GATB: variants seen among roughly 807,000 people sequenced by gnomAD.
The protein encoded by GATB is glutamyl-tRNA(Gln) amidotransferase subunit B, mitochondrial.
In GATB, 39 loss-of-function variants were observed where a neutral mutation model predicts 62.3. That is an observed-to-expected ratio of 0.63 (90% confidence interval 0.48 to 0.82). The LOEUF is 0.82. Ranked by LOEUF, GATB falls within the 40% of genes least tolerant of loss-of-function variation. The pLI is 0.00. For synonymous variants in GATB, 276 were observed against 258.9 expected (o/e 1.07, Z -0.63); for missense variants, 670 against 684.0 (o/e 0.98, Z 0.23).
intron 2 of GATB, among the ~76,000 whole-genome samples, chr4:151,748,823 AC>A (rs1739657077): frequency 6.6e-6 from 1 of 152,246 alleles, no homozygotes; most frequent in Non-Finnish European, 1.5e-5. Context: ...CAAGAAAAAA[AC>A]AACCCCATCA....
At chr4:151,754,532 C>T (rs1463525183) in intron 2 of GATB, among the ~76,000 whole-genome samples, 4 of 152,194 alleles carry the variant, frequency 2.6e-5, no homozygotes, top group African/African-American at 9.6e-5. Context: ...CAAGGGCTAG[C>T]ATAACGTGGG....
chr4:151,754,375 C>T (rs1739780427), intron 2 of GATB, among the ~76,000 whole-genome samples: 2 of 152,184 alleles, frequency 1.3e-5, no homozygotes, highest in Admixed American at 6.5e-5. Flanking sequence ...AATACTCTTC[C>T]TATGTGCTCC....
chr4:151,707,866 A>G, intron 6 of GATB, 122 bp downstream of exon 6: 1 of 658,488 alleles, frequency 1.5e-6, no homozygotes, highest in Non-Finnish European at 2.7e-6. Context: ...CAGGACCAAC[A>G]GAACGGACCA....
At chr4:151,703,642 G>C in intron 8 of GATB, 1 of 581,664 alleles carries the variant, frequency 1.7e-6, no homozygotes. Context: ...GTCAAACAAG[G>C]CACCAGATCT....
intron 2 of GATB, among the ~76,000 whole-genome samples, chr4:151,754,278 G>A (rs960350398): frequency 6.6e-6 from 1 of 152,162 alleles, no homozygotes; most frequent in Non-Finnish European, 1.5e-5. Flanking sequence ...AGTTTCTAGA[G>A]CAAGCCACGT....
At chr4:151,741,387 T>C (rs2126992972) in intron 2 of GATB, among the ~76,000 whole-genome samples, 1 of 152,300 alleles carries the variant, frequency 6.6e-6, no homozygotes, top group Admixed American at 6.5e-5. Context: ...AGTTAATAAT[T>C]CTAAGTATAA....
intron 2 of GATB, among the ~76,000 whole-genome samples, chr4:151,741,968 T>G (rs949392979): frequency 1.3e-5 from 2 of 152,204 alleles, no homozygotes; most frequent in Admixed American, 6.5e-5. Flanking sequence ...ACCTGATCTG[T>G]GTCTGTGATG....
In GATB at chr4:151,697,945, GTGTGTGTGTATATA is replaced by G. The variant is rs1560847620; in HGVS notation, c.1197+3370_1197+3383del. 2.0e-3 allele frequency among the ~76,000 whole-genome samples: 151 copies of G among 74,690 alleles called. 12 individuals are homozygous for G. The highest frequency in any genetic ancestry group is 0.014 in the African/African-American group (140 of 9,854). The allele number at this position is 74,690 out of a possible 152,430, so 49.0% of individuals were successfully genotyped here. On this transcript the variant is annotated intron_variant, in intron 9 of 12. Transcript: ENST00000263985. ...AAATCGATTTCATATATATGTGTGT[GTGTGTGTGTATATA>G]TATATATATATATATATATATATAT...
chr4:151,697,977 A>ATATATGTG (rs1560847779), intron 9 of GATB, among the ~76,000 whole-genome samples: 31 of 131,854 alleles, frequency 2.4e-4, no homozygotes, highest in African/African-American at 9.4e-4. Flanking sequence ...ATATATATAT[A>ATATATGTG]TATATATATA....
At chr4:151,673,025 G>T in intron 11 of GATB, 129 bp from the exon 12 acceptor site, 1 of 1,189,816 alleles carries the variant, frequency 8.4e-7, no homozygotes, top group Non-Finnish European at 1.2e-6. Context: ...CACTGCCTGG[G>T]CCTGGCCCAA....
chr4:151,702,712 T>G (rs1264776191), intron 8 of GATB, among the ~76,000 whole-genome samples: 1 of 152,226 alleles, frequency 6.6e-6, no homozygotes, highest in Non-Finnish European at 1.5e-5. Context: ...CACCATTGCA[T>G]GTAATCTTAT....
chr4:151,685,773 C>T (rs1389857378), intron 10 of GATB, among the ~76,000 whole-genome samples: 2 of 152,174 alleles, frequency 1.3e-5, no homozygotes, highest in South Asian at 2.1e-4. Flanking sequence ...GACCAAGAGG[C>T]GCGGTGGCTC....
intron 4 of GATB, 49 bp from the exon 5 acceptor site, chr4:151,716,180 C>A: frequency 1.9e-6 from 3 of 1,576,248 alleles, no homozygotes; most frequent in Non-Finnish European, 2.6e-6. Context: ...CCAATTTCAC[C>A]AACAGAAAAA....
chr4:151,742,439 G>A (rs1240022163), intron 2 of GATB, among the ~76,000 whole-genome samples: 2 of 152,222 alleles, frequency 1.3e-5, no homozygotes, highest in African/African-American at 4.8e-5. Flanking sequence ...AAGGTTAAAG[G>A]TGCCTTCCCT....
rs1432458282 is a variant in GATB, at chr4:151,671,548, C to T, written c.1546-246G>A. ...TGAGCAAGAAGTGATTGCCGAAAGC[C>T]AGAGAAGCTGGCACGTGGGAGCCAG... On this transcript the variant is annotated intron_variant, in intron 12 of 12. Transcript: ENST00000263985. Among the ~76,000 whole-genome samples, 10 of 152,164 alleles carry T rather than the reference C, an allele frequency of 6.6e-5. No homozygotes were observed. The East Asian group carries it at 1.9e-3, about 29-fold the overall frequency.
intron 1 of GATB, among the ~76,000 whole-genome samples, chr4:151,760,408 G>A (rs1281474509): frequency 1.3e-5 from 2 of 152,056 alleles, no homozygotes; most frequent in African/African-American, 4.8e-5. Context: ...GTAGGTAAAG[G>A]CTCCCTTTCT....
intron 5 of GATB, among the ~76,000 whole-genome samples, chr4:151,712,553 T>C (rs1393762826): frequency 6.6e-6 from 1 of 152,170 alleles, no homozygotes; most frequent in African/African-American, 2.4e-5. Flanking sequence ...TGGAAAACTG[T>C]TTCTGCAAAC....
At chr4:151,697,367 G>A (rs1051636909) in intron 9 of GATB, among the ~76,000 whole-genome samples, 10 of 152,004 alleles carry the variant, frequency 6.6e-5, no homozygotes, top group South Asian at 2.1e-4. Context: ...TAAGTGAAAC[G>A]ACACTGAAAC....
At chr4:151,699,058 T>C (rs1738547818) in intron 9 of GATB, among the ~76,000 whole-genome samples, 1 of 152,128 alleles carries the variant, frequency 6.6e-6, no homozygotes, top group South Asian at 2.1e-4. Context: ...ATCTTTTGTT[T>C]CTGTCTCAGT....
Sources: gnomAD v4.1 joint callset for allele counts (sites outside exome capture counted in the v4.1 genomes callset) on GRCh38, gnomAD v4.1.1 for gene constraint, MANE v1.5 for transcripts, NCBI Gene and HGNC (gene_info 2026-07-23, HGNC 2026-07-21) for gene names.